The following BICC1 variants were observed in gnomAD, a reference collection of about 807,000 sequenced individuals.
BICC1 encodes protein bicaudal C homolog 1.
Under a neutral mutation model 111.0 loss-of-function variants are expected in BICC1, and 43 were observed. The ratio of observed to expected loss-of-function variants is 0.39; its 90% CI spans 0.30 to 0.50. The LOEUF (loss-of-function observed/expected upper bound fraction) is 0.50. Ranked by LOEUF, BICC1 falls within the 20% of genes least tolerant of loss-of-function variation. The pLI, the probability that BICC1 is intolerant of heterozygous loss-of-function variation, is 0.88. For synonymous variants in BICC1, 467 were observed against 434.4 expected, an observed-to-expected ratio of 1.07 and a Z score of -0.93; for missense variants, 1,091 against 1,203.2, an observed-to-expected ratio of 0.91 and a Z score of 1.38.
At chr10:58,728,297 T>A (rs2132547116) in intron 3 of BICC1, among the ~76,000 whole-genome samples, 1 of 152,334 alleles carries the variant, frequency 6.6e-6, no homozygotes, top group East Asian at 1.9e-4. Context: ...ATTATACATT[T>A]TTGGTTTTCA....
intron 2 of BICC1, among the ~76,000 whole-genome samples, chr10:58,697,997 T>A (rs1267149617): frequency 6.6e-6 from 1 of 151,954 alleles, no homozygotes; most frequent in Non-Finnish European, 1.5e-5. Flanking sequence ...AAATTAATAG[T>A]GTGCCATATC....
intron 17 of BICC1, among the ~76,000 whole-genome samples, chr10:58,813,502 C>T (rs1170987242): frequency 1.3e-5 from 2 of 152,094 alleles, no homozygotes; most frequent in Non-Finnish European, 2.9e-5. Flanking sequence ...TTTTGGTCTC[C>T]AAAATTGGAA....
chr10:58,673,819 G>A (rs1202492218), intron 2 of BICC1, among the ~76,000 whole-genome samples: 2 of 146,600 alleles, frequency 1.4e-5, no homozygotes, highest in Non-Finnish European at 3.0e-5. Flanking sequence ...TAGTAGAGAC[G>A]AGGTTTCACC....
chr10:58,816,621 C>A (rs1352312437), intron 18 of BICC1, among the ~76,000 whole-genome samples: 1 of 152,096 alleles, frequency 6.6e-6, no homozygotes, highest in Non-Finnish European at 1.5e-5. Context: ...TGTCCTCCCT[C>A]ACCTCTTTGG....
chr10:58,615,530 A>G (rs1035004509), intron 1 of BICC1, among the ~76,000 whole-genome samples: 1 of 152,184 alleles, frequency 6.6e-6, no homozygotes, highest in African/African-American at 2.4e-5. Flanking sequence ...TGCTGACACT[A>G]CATGCAGCTT....
At chr10:58,759,447 G>T (rs1842243051) in intron 3 of BICC1, among the ~76,000 whole-genome samples, 1 of 152,048 alleles carries the variant, frequency 6.6e-6, no homozygotes, top group Non-Finnish European at 1.5e-5. Context: ...TATGAAATGG[G>T]TTAATTCCTT....
intron 1 of BICC1, among the ~76,000 whole-genome samples, chr10:58,594,377 A>G (rs1357850379): frequency 6.6e-6 from 1 of 152,080 alleles, no homozygotes; most frequent in East Asian, 1.9e-4. Flanking sequence ...TACAGAGAAC[A>G]CCATAAAGAT....
At position 58,793,547 on chromosome 10, in the gene BICC1, A is replaced by G. The variant is rs948409332; in HGVS notation, c.1111A>G (p.Ile371Val). ...KEEIEVDPQF[I>V]AQLMEQLDVF... is the part of the protein sequence containing the mutation. ...AGAAATTGAAGTAGATCCACAATTC[A>G]TTGCGCAGTTGATGGAACAGCTTGA... The change falls in exon 9 of 21, where the codon ATT (isoleucine) becomes GTT (valine). Residue 371 changes from isoleucine (I) to valine (V), a missense_variant. Transcript: ENST00000373886. The G allele has an allele frequency of 1.6e-5, 26 of 1,613,612 alleles. No individual in the cohort carries two copies. The highest frequency in any genetic ancestry group is 1.6e-4 in the Middle Eastern group (1 of 6,080).
At chr10:58,785,795 G>T (rs1178877508) in intron 4 of BICC1, among the ~76,000 whole-genome samples, 1 of 152,176 alleles carries the variant, frequency 6.6e-6, no homozygotes, top group Non-Finnish European at 1.5e-5. Context: ...CCTAGAGCCG[G>T]TTAAGTGGAG....
intron 1 of BICC1, among the ~76,000 whole-genome samples, chr10:58,564,022 A>G (rs1373020054): frequency 6.6e-6 from 1 of 152,232 alleles, no homozygotes; most frequent in African/African-American, 2.4e-5. Flanking sequence ...TAAATATGTG[A>G]CCAAAGTTGA....
intron 1 of BICC1, among the ~76,000 whole-genome samples, chr10:58,522,254 T>C (rs1305079381): frequency 6.6e-6 from 1 of 152,012 alleles, no homozygotes; most frequent in Non-Finnish European, 1.5e-5. Flanking sequence ...ACCTATGTAA[T>C]ATATTATGAA....
At chr10:58,547,972 C>T (rs1020424668) in intron 1 of BICC1, among the ~76,000 whole-genome samples, 2 of 152,152 alleles carry the variant, frequency 1.3e-5, no homozygotes, top group African/African-American at 4.8e-5. Flanking sequence ...AAACCAAGAT[C>T]TGCTATGCTC....
chr10:58,707,107 T>C (rs1812444576), intron 3 of BICC1, among the ~76,000 whole-genome samples: 1 of 152,194 alleles, frequency 6.6e-6, no homozygotes, highest in South Asian at 2.1e-4. Context: ...TGGCACCAAG[T>C]TTAGCCATTC....
chr10:58,645,672 A>C (rs929875752), intron 2 of BICC1, among the ~76,000 whole-genome samples: 1 of 152,204 alleles, frequency 6.6e-6, no homozygotes, highest in Non-Finnish European at 1.5e-5. Flanking sequence ...TTCTGCCAGC[A>C]GTCCCATTGG....
chr10:58,786,911 A>G lies in BICC1; in HGVS notation c.388-12A>G. 3 of 1,555,394 alleles carry G rather than the reference A, an allele frequency of 1.9e-6. No homozygotes were observed. ...TGCATACATCAAGTAATAATACATT[A>G]TTTTCACATAGAGCAATCGAGTCAC... On this transcript the variant is annotated splice_polypyrimidine_tract_variant and intron_variant, in intron 4 of 20. Coordinates refer to ENST00000373886, the MANE Select transcript of BICC1 (RefSeq NM_001080512.3).
rs750859631 is a variant in BICC1, at chr10:58,594,530, G to A, written c.191-26325G>A. On this transcript the variant is annotated intron_variant, in intron 1 of 20. Coordinates refer to ENST00000373886, the MANE Select transcript of BICC1 (RefSeq NM_001080512.3). The stretch of plus-strand genomic sequence containing the variant: ...CATCAGACTAACAGCGGATCTCTCC[G>A]TAGAAACCCTACAAGCCAGAAGAGG... 1.2e-4 allele frequency among the ~76,000 whole-genome samples: 18 copies of A among 152,260 alleles called. No homozygotes were observed. The South Asian group carries it at 1.7e-3, about 14-fold the overall frequency.
At chr10:58,550,455 T>C (rs1341394976) in intron 1 of BICC1, among the ~76,000 whole-genome samples, 1 of 152,248 alleles carries the variant, frequency 6.6e-6, no homozygotes, top group East Asian at 1.9e-4. Context: ...CCAATTTATC[T>C]ATCTTCTTTC....
chr10:58,604,219 G>C (rs1588917427), intron 1 of BICC1, among the ~76,000 whole-genome samples: 1 of 152,090 alleles, frequency 6.6e-6, no homozygotes, highest in African/African-American at 2.4e-5. Flanking sequence ...GGGAGAGGTG[G>C]GGCAGTAGAA....
intron 12 of BICC1, among the ~76,000 whole-genome samples, chr10:58,799,470 G>A (rs753358038): frequency 5.9e-5 from 9 of 152,060 alleles, no homozygotes; most frequent in Non-Finnish European, 1.3e-4. Flanking sequence ...ACATATGCAG[G>A]TTTGTTACAT....
Sources: allele counts gnomAD v4.1 joint callset (sites outside exome capture counted in the v4.1 genomes callset), GRCh38; gene constraint gnomAD v4.1.1; transcripts MANE v1.5; gene names NCBI Gene and HGNC (gene_info 2026-07-23, HGNC 2026-07-21).